CADM2: variants seen among roughly 807,000 people sequenced by gnomAD.
CADM2 encodes cell adhesion molecule 2.
Under a neutral mutation model 49.8 loss-of-function variants are expected in CADM2, and 12 were observed. That is an observed-to-expected ratio of 0.24 (90% CI 0.15 to 0.39). The LOEUF is 0.39. Ranked by LOEUF, CADM2 falls within the 10% of genes least tolerant of loss-of-function variation. The probability of loss-of-function intolerance (pLI) is 1.00; values close to 1 mark genes in which losing one functional copy is unlikely to be tolerated. For missense variants in CADM2, 378 were observed against 492.3 expected (o/e 0.77, Z 2.20); for synonymous variants, 214 against 175.4 (o/e 1.22, Z -1.74).
chr3:85,295,454 G>T (rs1404697084), intron 1 of CADM2, among the ~76,000 whole-genome samples: 1 of 152,132 alleles, frequency 6.6e-6, no homozygotes, highest in Admixed American at 6.6e-5. Context: ...TATACCCAAA[G>T]GACTATAAAT....
chr3:85,213,817 C>G (rs2041860816), intron 1 of CADM2, among the ~76,000 whole-genome samples: 1 of 151,980 alleles, frequency 6.6e-6, no homozygotes, highest in African/African-American at 2.4e-5. Context: ...TTCATGTTCA[C>G]TAATTATTTC....
intron 1 of CADM2, among the ~76,000 whole-genome samples, chr3:85,242,155 G>T (rs1388627801): frequency 6.7e-6 from 1 of 149,648 alleles, no homozygotes; most frequent in Admixed American, 6.7e-5. Context: ...GAACTTTTCT[G>T]GTATAAAACT....
intron 1 of CADM2, among the ~76,000 whole-genome samples, chr3:85,338,280 T>G (rs2045145422): frequency 6.6e-6 from 1 of 151,580 alleles, no homozygotes; most frequent in African/African-American, 2.4e-5. Context: ...ACAAAAAAAT[T>G]TATTAGATAC....
At chr3:85,580,250 C>T (rs1423882790) in intron 1 of CADM2, among the ~76,000 whole-genome samples, 1 of 152,170 alleles carries the variant, frequency 6.6e-6, no homozygotes, top group African/African-American at 2.4e-5. Context: ...ATTGCATATG[C>T]AGGAGGACAG....
chr3:85,627,366 T>C (rs1458845494), intron 1 of CADM2, among the ~76,000 whole-genome samples: 1 of 152,062 alleles, frequency 6.6e-6, no homozygotes, highest in Non-Finnish European at 1.5e-5. Context: ...ACTCTGATTG[T>C]GTGTGTAGAT....
chr3:85,041,682 T>C (rs1451390247), intron 1 of CADM2, among the ~76,000 whole-genome samples: 2 of 152,236 alleles, frequency 1.3e-5, no homozygotes, highest in East Asian at 3.8e-4. Context: ...CAGAAGACTC[T>C]TAAACCAGAT....
chr3:85,234,238 T>C (rs2042362218), intron 1 of CADM2, among the ~76,000 whole-genome samples: 1 of 152,126 alleles, frequency 6.6e-6, no homozygotes, highest in Non-Finnish European at 1.5e-5. Context: ...CATTTCAACT[T>C]ATTTTTGTCC....
At chr3:85,321,118 T>TA (rs1559778046) in intron 1 of CADM2, among the ~76,000 whole-genome samples, 238 of 9,192 alleles carry the variant, frequency 0.026, no homozygotes, top group South Asian at 0.035. Flanking sequence ...ATATATATAT[T>TA]TTTTTTTTTT....
chr3:85,710,604 A>G (rs1329511606), intron 1 of CADM2, among the ~76,000 whole-genome samples: 2 of 152,122 alleles, frequency 1.3e-5, no homozygotes, highest in African/African-American at 4.8e-5. Flanking sequence ...TTGATTGAGG[A>G]CAGTTTAATA....
intron 8 of CADM2, among the ~76,000 whole-genome samples, chr3:86,051,562 C>T (rs1021280456): frequency 4.6e-5 from 7 of 152,234 alleles, no homozygotes; most frequent in Admixed American, 2.0e-4. Flanking sequence ...TATAGCATTG[C>T]TATAAATACC....
intron 8 of CADM2, among the ~76,000 whole-genome samples, chr3:85,990,041 A>AAAAAAAAAAAG (rs1559786301): frequency 6.7e-6 from 1 of 149,078 alleles, no homozygotes; most frequent in African/African-American, 2.5e-5. Context: ...AAAAAAAAAA[A>AAAAAAAAAAAG]AAAGAAGACT....
intron 1 of CADM2, among the ~76,000 whole-genome samples, chr3:85,703,471 A>G (rs1045071723): frequency 1.3e-5 from 2 of 152,174 alleles, no homozygotes; most frequent in African/African-American, 4.8e-5. Context: ...TCATCCTCAC[A>G]AGGGCAAATG....
At chr3:85,007,653 C>T (rs73139660) in intron 1 of CADM2, among the ~76,000 whole-genome samples, 7,483 of 152,132 alleles carry the variant, frequency 0.049, 228 homozygotes, top group Admixed American at 0.09. Flanking sequence ...GCTTGAGAAA[C>T]GCAAATGAAG....
intron 1 of CADM2, among the ~76,000 whole-genome samples, chr3:85,534,031 T>C (rs2061374222): frequency 6.6e-6 from 1 of 152,140 alleles, no homozygotes; most frequent in Admixed American, 6.6e-5. Flanking sequence ...CCCTAGGAAA[T>C]CTGAAATCTC....
intron 1 of CADM2, among the ~76,000 whole-genome samples, chr3:85,257,381 C>T (rs1288359582): frequency 6.6e-6 from 1 of 152,024 alleles, no homozygotes; most frequent in East Asian, 1.9e-4. Context: ...ATATTCTACT[C>T]TTCCTAGAAA....
At chr3:85,519,657 G>A (rs2060986528) in intron 1 of CADM2, among the ~76,000 whole-genome samples, 2 of 152,032 alleles carry the variant, frequency 1.3e-5, no homozygotes, top group Admixed American at 1.3e-4. Context: ...ACATGTTTTA[G>A]TAAGTAAAGT....
At chr3:85,300,508 G>T (rs1338453606) in intron 1 of CADM2, among the ~76,000 whole-genome samples, 1 of 151,932 alleles carries the variant, frequency 6.6e-6, no homozygotes, top group Admixed American at 6.6e-5. Flanking sequence ...TAAAATACAA[G>T]ATCTTCTGTA....
intron 6 of CADM2, among the ~76,000 whole-genome samples, chr3:85,913,870 T>A (rs184955629): frequency 1.1e-4 from 16 of 152,208 alleles, no homozygotes; most frequent in African/African-American, 3.6e-4. Context: ...GTTGGTGTAA[T>A]GCAGAGGGAA....
At chr3:85,453,560 C>T (rs2037849846) in intron 1 of CADM2, among the ~76,000 whole-genome samples, 1 of 151,972 alleles carries the variant, frequency 6.6e-6, no homozygotes, top group Non-Finnish European at 1.5e-5. Flanking sequence ...TCTGGAGTAA[C>T]ACAGTCCAGA....
Sources: gnomAD v4.1 joint callset for allele counts (sites outside exome capture counted in the v4.1 genomes callset) on GRCh38, gnomAD v4.1.1 for gene constraint, MANE v1.5 for transcripts, NCBI Gene and HGNC (gene_info 2026-07-23, HGNC 2026-07-21) for gene names.